The following FHIT variants were observed in gnomAD, a reference collection of about 807,000 sequenced individuals.
FHIT encodes bis(5'-adenosyl)-triphosphatase.
In FHIT, 19 loss-of-function variants were observed where a neutral mutation model predicts 17.9. The observed-to-expected ratio is 1.06, with a 90% CI of 0.74 to 1.56. The LOEUF (loss-of-function observed/expected upper bound fraction) is 1.56, where lower values mean the gene tolerates loss of function less well. FHIT is among the 40% of genes most tolerant of loss of function. The probability of loss-of-function intolerance (pLI) is 0.00; values close to 1 mark genes in which losing one functional copy is unlikely to be tolerated. For synonymous variants in FHIT, 81 were observed against 69.7 expected (o/e 1.16, Z -0.81); for missense variants, 248 against 189.2 (o/e 1.31, Z -1.82).
intron 8 of FHIT, among the ~76,000 whole-genome samples, chr3:59,917,515 A>G (rs1446742039): frequency 2.6e-5 from 4 of 152,212 alleles, no homozygotes; most frequent in Non-Finnish European, 5.9e-5. Flanking sequence ...GGTCATTACC[A>G]TAATCTTCAT....
chr3:60,080,812 G>A (rs1471175880), intron 5 of FHIT: 2 of 152,126 alleles, frequency 1.3e-5, no homozygotes. Flanking sequence ...TTTGTTTGAT[G>A]ACAAATCTCA....
chr3:60,720,495 C>T (rs1294016641), intron 4 of FHIT, among the ~76,000 whole-genome samples: 1 of 152,146 alleles, frequency 6.6e-6, no homozygotes, highest in Non-Finnish European at 1.5e-5. Context: ...TTACTTAATG[C>T]AGTACCAATG....
At chr3:60,256,227 T>G (rs559229571) in intron 5 of FHIT, among the ~76,000 whole-genome samples, 1 of 152,310 alleles carries the variant, frequency 6.6e-6, no homozygotes, top group South Asian at 2.1e-4. Flanking sequence ...ATGAGCAAAG[T>G]TTAAGAACTG....
chr3:61,240,084 G>C (rs1311979040), intron 1 of FHIT, among the ~76,000 whole-genome samples: 1 of 152,122 alleles, frequency 6.6e-6, no homozygotes, highest in Admixed American at 6.5e-5. Context: ...GGAAGTTCAA[G>C]AGGCTAGAGG....
intron 4 of FHIT, among the ~76,000 whole-genome samples, chr3:60,707,394 A>T (rs1246818241): frequency 1.3e-5 from 2 of 152,214 alleles, no homozygotes; most frequent in Non-Finnish European, 2.9e-5. Flanking sequence ...GGGTTTACAC[A>T]TGGATAGAGA....
intron 5 of FHIT, among the ~76,000 whole-genome samples, chr3:60,447,410 ATTTTG>A (rs1350390644): frequency 6.6e-6 from 1 of 152,204 alleles, no homozygotes; most frequent in African/African-American, 2.4e-5. Flanking sequence ...CATAGGAATT[ATTTTG>A]TTAAGAATTA....
chr3:60,673,043 T>C (rs1173449453), intron 4 of FHIT, among the ~76,000 whole-genome samples: 1 of 152,200 alleles, frequency 6.6e-6, no homozygotes, highest in Admixed American at 6.5e-5. Context: ...TCACATGTTT[T>C]ACTTCTATTT....
chr3:60,322,764 A>G, intron 5 of FHIT, among the ~76,000 whole-genome samples: 1 of 152,248 alleles, frequency 6.6e-6, no homozygotes, highest in Admixed American at 6.5e-5. Flanking sequence ...TAGATGATAA[A>G]GAAAGAGGTA....
chr3:61,067,970 T>C (rs999663128), intron 2 of FHIT, among the ~76,000 whole-genome samples: 2 of 152,178 alleles, frequency 1.3e-5, no homozygotes, highest in Non-Finnish European at 2.9e-5. Context: ...TAATGGTGGT[T>C]CTCAAACTTC....
chr3:60,975,679 C>T (rs1220582006), intron 3 of FHIT, among the ~76,000 whole-genome samples: 1 of 152,022 alleles, frequency 6.6e-6, no homozygotes, highest in Non-Finnish European at 1.5e-5. Flanking sequence ...TTGAATATGA[C>T]CCACAGTGAA....
chr3:60,713,710 C>T (rs1553705839), intron 4 of FHIT, among the ~76,000 whole-genome samples: 1 of 152,198 alleles, frequency 6.6e-6, no homozygotes, highest in Non-Finnish European at 1.5e-5. Context: ...CACATACACT[C>T]TCCCAAGACT....
At chr3:60,615,785 C>A (rs2856039) in intron 4 of FHIT, among the ~76,000 whole-genome samples, 131,833 of 152,204 alleles carry the variant, frequency 0.87, 57,226 homozygotes, top group Admixed American at 0.88. Flanking sequence ...AAATATGATT[C>A]CATAAGATAA....
intron 2 of FHIT, among the ~76,000 whole-genome samples, chr3:61,190,281 G>A (rs1383754290): frequency 6.6e-6 from 1 of 152,156 alleles, no homozygotes; most frequent in African/African-American, 2.4e-5. Context: ...GATATGAACA[G>A]ACACTTCTCA....
In FHIT at chr3:60,014,103, A is replaced by G. The variant is rs147620884; in HGVS notation, c.153T>C (p.Arg51=). ...LRPVERFHDL[R]PDEVADLFQT... is the part of the protein sequence containing the mutation. ...GAAACAAATCGGCCACTTCATCAGG[A>G]CGCAGGTCATGGAAGCGCTCCACTG... The change falls in exon 6 of 10, where the codon CGT becomes CGC. Residue 51 remains arginine, a synonymous_variant. Coordinates refer to ENST00000492590, the MANE Select transcript of FHIT (RefSeq NM_002012.4). 3.1e-6 allele frequency: 5 copies of G among 1,613,954 alleles called. No homozygotes were observed. The African/African-American group carries it at 6.7e-5, about 22-fold the overall frequency.
chr3:60,975,407 C>G (rs1482707032), intron 3 of FHIT, among the ~76,000 whole-genome samples: 1 of 152,010 alleles, frequency 6.6e-6, no homozygotes, highest in African/African-American at 2.4e-5. Context: ...GAAAATATGC[C>G]CAGTTAATGT....
intron 3 of FHIT, among the ~76,000 whole-genome samples, chr3:60,950,156 C>A (rs1323461065): frequency 2.0e-5 from 3 of 152,056 alleles, no homozygotes; most frequent in Non-Finnish European, 4.4e-5. Flanking sequence ...AAGTGATGCT[C>A]ACAAGAGTAT....
intron 4 of FHIT, among the ~76,000 whole-genome samples, chr3:60,754,737 C>T (rs562743751): frequency 3.2e-4 from 48 of 152,226 alleles, no homozygotes; most frequent in Non-Finnish European, 5.3e-4. Context: ...TCTTTGCTGC[C>T]GTAACACAGT....
intron 3 of FHIT, among the ~76,000 whole-genome samples, chr3:60,870,945 A>G (rs1553754883): frequency 6.6e-6 from 1 of 152,294 alleles, no homozygotes; most frequent in East Asian, 1.9e-4. Context: ...GACATTGTCA[A>G]CATGGACCCC....
intron 8 of FHIT, among the ~76,000 whole-genome samples, chr3:59,810,066 G>A (rs979770172): frequency 6.6e-6 from 1 of 152,268 alleles, no homozygotes; most frequent in African/African-American, 2.4e-5. Context: ...GTCACAGCAA[G>A]CAGATGCTGG....
Sources: allele counts gnomAD v4.1 joint callset (sites outside exome capture counted in the v4.1 genomes callset), GRCh38; gene constraint gnomAD v4.1.1; transcripts MANE v1.5; gene names NCBI Gene and HGNC (gene_info 2026-07-23, HGNC 2026-07-21).